Variants in CNTN6 observed in about 807,000 individuals in gnomAD.
CNTN6 encodes the protein contactin-6.
CNTN6 carries 137 observed loss-of-function variants against 122.8 expected under a neutral mutation model. That is an observed-to-expected ratio of 1.12 (90% CI 0.97 to 1.29). The LOEUF (loss-of-function observed/expected upper bound fraction) is 1.29, where lower values mean the gene tolerates loss of function less well. Among genes scored for constraint, CNTN6 ranks in the 50% most tolerant of loss-of-function variants. CNTN6 has a pLI of 0.00. For synonymous variants in CNTN6, 570 were observed against 426.0 expected, an observed-to-expected ratio of 1.34 and a Z score of -4.16; for missense variants, 1,634 against 1,223.4, an observed-to-expected ratio of 1.34 and a Z score of -5.01.
chr3:1,282,409 A>G lies in CNTN6; in HGVS notation c.454+3901A>G, dbSNP rs190269391. On this transcript the variant is annotated intron_variant, in intron 5 of 22. Coordinates refer to ENST00000446702, the MANE Select transcript of CNTN6 (RefSeq NM_001289080.2). ...CAATAATGCCAGGACACAGTTCAAGACGCTCTATTTTATCATTTCAAAATG... is the reference window on the plus strand; with the variant it reads ...CAATAATGCCAGGACACAGTTCAAGGCGCTCTATTTTATCATTTCAAAATG... Among the ~76,000 whole-genome samples, 5 of 152,316 alleles carry G rather than the reference A, an allele frequency of 3.3e-5. No individual in the cohort carries two copies. The East Asian group carries it at 9.6e-4, about 29-fold the overall frequency.
intron 4 of CNTN6, among the ~76,000 whole-genome samples, chr3:1,277,737 G>A (rs1036127491): frequency 1.3e-5 from 2 of 152,102 alleles, no homozygotes; most frequent in Non-Finnish European, 2.9e-5. Context: ...GCTCAAAGAA[G>A]TTAAACAATT....
intron 4 of CNTN6, among the ~76,000 whole-genome samples, chr3:1,244,839 T>C (rs201562346): frequency 0.057 from 8,547 of 150,512 alleles, 328 homozygotes; most frequent in East Asian, 0.14. Context: ...AAGTACATTC[T>C]CAAGGGTGGG....
intron 7 of CNTN6, among the ~76,000 whole-genome samples, chr3:1,312,341 T>A (rs748082384): frequency 6.6e-5 from 10 of 152,050 alleles, no homozygotes; most frequent in Non-Finnish European, 1.3e-4. Flanking sequence ...TGTATATGTA[T>A]ATTTCTGGAA....
intron 12 of CNTN6, among the ~76,000 whole-genome samples, chr3:1,360,378 G>C (rs952645666): frequency 6.6e-6 from 1 of 151,946 alleles, no homozygotes; most frequent in African/African-American, 2.4e-5. Context: ...CATTTGGCAG[G>C]CTTTGTCGCT....
chr3:1,174,086 C>T (rs1244098252), intron 2 of CNTN6, among the ~76,000 whole-genome samples: 1 of 152,198 alleles, frequency 6.6e-6, no homozygotes, highest in Non-Finnish European at 1.5e-5. Flanking sequence ...TTCATAGTGT[C>T]TCTCTCCAGA....
chr3:1,316,613 T>C (rs1575672745), intron 7 of CNTN6, among the ~76,000 whole-genome samples: 1 of 151,840 alleles, frequency 6.6e-6, no homozygotes, highest in South Asian at 2.1e-4. Context: ...AGATCCAAAC[T>C]ATGTAAAGAA....
intron 11 of CNTN6, among the ~76,000 whole-genome samples, chr3:1,346,320 AT>A (rs2126055205): frequency 6.6e-6 from 1 of 152,242 alleles, no homozygotes; most frequent in South Asian, 2.1e-4. Context: ...TTGAAATTTT[AT>A]CTTCCATGTG....
At chr3:1,319,137 A>G (rs1384128220) in intron 7 of CNTN6, among the ~76,000 whole-genome samples, 1 of 151,646 alleles carries the variant, frequency 6.6e-6, no homozygotes, top group African/African-American at 2.4e-5. Context: ...CCACTTTTGT[A>G]AAGTAACAAA....
chr3:1,297,695 A>G (rs1371255319), intron 6 of CNTN6, among the ~76,000 whole-genome samples, 194 bp from the exon 7 acceptor site: 1 of 151,098 alleles, frequency 6.6e-6, no homozygotes, highest in African/African-American at 2.4e-5. Flanking sequence ...AAAGGTAGAT[A>G]AATGTGGATG....
intron 20 of CNTN6, among the ~76,000 whole-genome samples, chr3:1,395,773 T>G (rs1021829161): frequency 6.6e-6 from 1 of 152,228 alleles, no homozygotes; most frequent in Non-Finnish European, 1.5e-5. Context: ...TTCAAATTAT[T>G]GAGCACTTCT....
intron 17 of CNTN6, among the ~76,000 whole-genome samples, chr3:1,379,123 A>C: frequency 6.6e-6 from 1 of 152,122 alleles, no homozygotes. Context: ...GCTTGTACAC[A>C]GTCTATAATG....
At chr3:1,356,938 A>G (rs544262054) in intron 12 of CNTN6, among the ~76,000 whole-genome samples, 2 of 152,014 alleles carry the variant, frequency 1.3e-5, no homozygotes, top group Admixed American at 6.6e-5. Context: ...AAATGTAAAA[A>G]CAAGCAAAAA....
chr3:1,168,680 A>G (rs1011038324), intron 2 of CNTN6, among the ~76,000 whole-genome samples: 14 of 152,022 alleles, frequency 9.2e-5, no homozygotes, highest in East Asian at 3.9e-4. Context: ...CACCTGCCCA[A>G]TGTCACTCAG....
At chr3:1,346,500 G>C (rs6442358) in intron 11 of CNTN6, among the ~76,000 whole-genome samples, 57,985 of 151,754 alleles carry the variant, frequency 0.38, 11,832 homozygotes, top group African/African-American at 0.49. Flanking sequence ...AAAGAGTCTG[G>C]CTTCCTCAGT....
intron 5 of CNTN6, among the ~76,000 whole-genome samples, chr3:1,292,969 T>G (rs1321945326): frequency 8.1e-6 from 1 of 123,490 alleles, no homozygotes; most frequent in African/African-American, 3.4e-5. Context: ...CTGCTTAGGT[T>G]TTTTTTCCCA....
chr3:1,295,284 A>G (rs1010135662), intron 5 of CNTN6, among the ~76,000 whole-genome samples: 3 of 152,176 alleles, frequency 2.0e-5, no homozygotes, highest in Non-Finnish European at 4.4e-5. Context: ...TACATTTGGA[A>G]CAGTTATTAT....
At chr3:1,218,579 A>C (rs190009214) in intron 2 of CNTN6, among the ~76,000 whole-genome samples, 5 of 152,274 alleles carry the variant, frequency 3.3e-5, no homozygotes, top group Admixed American at 3.3e-4. Context: ...TGACAGTGAT[A>C]CGAGACTAGT....
intron 2 of CNTN6, among the ~76,000 whole-genome samples, chr3:1,171,245 G>A (rs2093353012): frequency 6.6e-6 from 1 of 152,126 alleles, no homozygotes; most frequent in African/African-American, 2.4e-5. Flanking sequence ...GTGAATAACT[G>A]GGTTATTTTG....
chr3:1,277,109 T>G (rs545846624), intron 4 of CNTN6, among the ~76,000 whole-genome samples: 70 of 152,278 alleles, frequency 4.6e-4, no homozygotes, highest in African/African-American at 1.6e-3. Context: ...GACAAGCATG[T>G]TTGATAACAA....
Sources: gnomAD v4.1 joint callset for allele counts (sites outside exome capture counted in the v4.1 genomes callset) on GRCh38, gnomAD v4.1.1 for gene constraint, MANE v1.5 for transcripts, NCBI Gene and HGNC (gene_info 2026-07-23, HGNC 2026-07-21) for gene names.